The following TP63 variants were observed in gnomAD, a reference collection of about 807,000 sequenced individuals.
TP63 encodes tumor protein 63.
In TP63, 17 loss-of-function variants were observed where a neutral mutation model predicts 82.8. That is an observed-to-expected ratio of 0.21 (90% CI 0.14 to 0.31). The LOEUF is 0.31. Among genes scored for constraint, TP63 ranks in the 10% least tolerant of loss-of-function variants. The pLI, the probability that TP63 is intolerant of heterozygous loss-of-function variation, is 1.00. For synonymous variants in TP63, 330 were observed against 321.7 expected (o/e 1.03, Z -0.28); for missense variants, 648 against 895.3 (o/e 0.72, Z 3.52).
At chr3:189,890,345 A>G (rs1720889871) in intron 12 of TP63, among the ~76,000 whole-genome samples, 1 of 152,196 alleles carries the variant, frequency 6.6e-6, no homozygotes, top group African/African-American at 2.4e-5. Flanking sequence ...TTAATGGAGT[A>G]GAGGCCTACA....
chr3:189,706,498 C>A (rs1718209687), intron 1 of TP63, among the ~76,000 whole-genome samples: 1 of 152,152 alleles, frequency 6.6e-6, no homozygotes, highest in Non-Finnish European at 1.5e-5. Context: ...TTGTGGTCCG[C>A]TGGCCTCGGC....
intron 1 of TP63, among the ~76,000 whole-genome samples, chr3:189,667,846 C>T (rs1457058760): frequency 3.3e-5 from 5 of 152,110 alleles, no homozygotes; most frequent in African/African-American, 9.6e-5. Context: ...TCTGTTCCAA[C>T]TTCTTAACCT....
chr3:189,633,051 A>G (rs776228480), intron 1 of TP63, among the ~76,000 whole-genome samples: 1 of 152,034 alleles, frequency 6.6e-6, no homozygotes, highest in African/African-American at 2.4e-5. Flanking sequence ...CCACACTTCA[A>G]TCCTGCATAC....
chr3:189,750,718 A>G (rs1454420829), intron 3 of TP63, among the ~76,000 whole-genome samples: 4 of 152,220 alleles, frequency 2.6e-5, no homozygotes, highest in Admixed American at 2.0e-4. Context: ...AGACGATAGT[A>G]GTAGTTAGGA....
intron 1 of TP63, among the ~76,000 whole-genome samples, chr3:189,691,001 A>G (rs1359275311): frequency 1.3e-5 from 2 of 152,146 alleles, no homozygotes; most frequent in Admixed American, 6.6e-5. Context: ...AATTATTCAC[A>G]GTATATTTAA....
At chr3:189,664,704 C>T (rs192375346) in intron 1 of TP63, among the ~76,000 whole-genome samples, 68 of 152,084 alleles carry the variant, frequency 4.5e-4, no homozygotes, top group African/African-American at 1.5e-3. Flanking sequence ...TTTTGGTGTT[C>T]TCTGACTATT....
At chr3:189,872,225 A>C (rs1049184727) in intron 9 of TP63, among the ~76,000 whole-genome samples, 3 of 149,580 alleles carry the variant, frequency 2.0e-5, no homozygotes, top group African/African-American at 7.5e-5. Flanking sequence ...AGAGAAATAT[A>C]GGATTGGGTT....
chr3:189,816,184 G>T (rs1321594577), intron 4 of TP63, among the ~76,000 whole-genome samples: 3 of 152,126 alleles, frequency 2.0e-5, no homozygotes, highest in African/African-American at 7.2e-5. Flanking sequence ...TAGTGTGCCA[G>T]AACAAAAATC....
At chr3:189,810,900 T>C (rs1262357687) in intron 4 of TP63, among the ~76,000 whole-genome samples, 2 of 151,046 alleles carry the variant, frequency 1.3e-5, no homozygotes, top group African/African-American at 4.9e-5. Flanking sequence ...AGGTTTAGCA[T>C]AATCCTAAAC....
intron 3 of TP63, among the ~76,000 whole-genome samples, chr3:189,804,175 C>T (rs1726624739): frequency 1.3e-5 from 2 of 152,162 alleles, no homozygotes; most frequent in Non-Finnish European, 2.9e-5. Flanking sequence ...TTTGACTTGT[C>T]ATTGTCAGTA....
intron 1 of TP63, among the ~76,000 whole-genome samples, chr3:189,677,222 A>G (rs1378126092): frequency 6.6e-6 from 1 of 150,550 alleles, no homozygotes; most frequent in East Asian, 1.9e-4. Flanking sequence ...GTGTATACAT[A>G]TTGCATGTTT....
chr3:189,754,843 T>TTGTTCC, intron 3 of TP63, among the ~76,000 whole-genome samples: 1 of 152,176 alleles, frequency 6.6e-6, no homozygotes. Context: ...GTTCTTCCTA[T>TTGTTCC]ACATTCTCTT....
chr3:189,677,328 ATATT>A (rs1287259970), intron 1 of TP63, among the ~76,000 whole-genome samples: 1 of 146,498 alleles, frequency 6.8e-6, no homozygotes, highest in Non-Finnish European at 1.5e-5. Flanking sequence ...ATACACACAC[ATATT>A]TATATATATA....
intron 3 of TP63, among the ~76,000 whole-genome samples, chr3:189,768,374 C>T (rs1162204738): frequency 6.6e-6 from 1 of 152,066 alleles, no homozygotes; most frequent in African/African-American, 2.4e-5. Flanking sequence ...TTACCAGCAT[C>T]AACATCCAAT....
chr3:189,669,365 AAAAG>A (rs1313945666), intron 1 of TP63, among the ~76,000 whole-genome samples: 36 of 152,152 alleles, frequency 2.4e-4, no homozygotes, highest in African/African-American at 8.4e-4. Flanking sequence ...ACAAAAAAAA[AAAAG>A]AAAAATGTTA....
intron 1 of TP63, among the ~76,000 whole-genome samples, chr3:189,653,447 T>G (rs1405889876): frequency 6.6e-6 from 1 of 152,232 alleles, no homozygotes; most frequent in Admixed American, 6.5e-5. Flanking sequence ...TGTTTATATA[T>G]TTTTCACTCA....
intron 10 of TP63, chr3:189,881,485 C>T (rs942748646): frequency 4.2e-5 from 41 of 985,152 alleles, no homozygotes; most frequent in Non-Finnish European, 4.7e-5. Flanking sequence ...TAAACTTTTG[C>T]ATCTTGGTTT....
chr3:189,768,585 C>A (rs1484924231), intron 3 of TP63, among the ~76,000 whole-genome samples: 1 of 152,074 alleles, frequency 6.6e-6, no homozygotes, highest in Non-Finnish European at 1.5e-5. Context: ...TATTATTAAA[C>A]AATTGCTTAT....
chr3:189,828,068 C>G (rs1488904412), intron 4 of TP63, among the ~76,000 whole-genome samples: 1 of 152,032 alleles, frequency 6.6e-6, no homozygotes, highest in East Asian at 1.9e-4. Context: ...TGATGAAACC[C>G]TTTCTCTACT....
Sources: allele counts gnomAD v4.1 joint callset (sites outside exome capture counted in the v4.1 genomes callset), GRCh38; gene constraint gnomAD v4.1.1; transcripts MANE v1.5; gene names NCBI Gene and HGNC (gene_info 2026-07-23, HGNC 2026-07-21).